LRRTM4: variants seen among roughly 807,000 people sequenced by gnomAD.
LRRTM4 encodes the protein leucine-rich repeat transmembrane neuronal protein 4.
A neutral mutation model predicts 47.6 loss-of-function variants in LRRTM4; 25 were observed. That is an observed-to-expected ratio of 0.53 (90% confidence interval 0.38 to 0.73). The LOEUF (loss-of-function observed/expected upper bound fraction) is 0.73, where lower values mean the gene tolerates loss of function less well. LRRTM4 is among the 30% of genes least tolerant of loss of function. The pLI is 0.00. For missense variants in LRRTM4, 638 were observed against 713.4 expected (o/e 0.89, Z 1.20); for synonymous variants, 311 against 269.5 (o/e 1.15, Z -1.51).
intron 3 of LRRTM4, among the ~76,000 whole-genome samples, chr2:77,439,613 T>G (rs1675752798): frequency 2.0e-5 from 3 of 152,208 alleles, no homozygotes; most frequent in Non-Finnish European, 2.9e-5. Flanking sequence ...CCCTATTTTA[T>G]TAATCTCTAA....
At chr2:76,973,699 A>G (rs993520066) in intron 3 of LRRTM4, among the ~76,000 whole-genome samples, 1 of 152,000 alleles carries the variant, frequency 6.6e-6, no homozygotes, top group Non-Finnish European at 1.5e-5. Flanking sequence ...GTAATTTTCC[A>G]TCTTTCGACA....
intron 3 of LRRTM4, among the ~76,000 whole-genome samples, chr2:77,482,453 C>CACACACAT (rs70956635): frequency 0.33 from 49,810 of 151,628 alleles, 8,337 homozygotes; most frequent in Middle Eastern, 0.35. Flanking sequence ...CACACACACA[C>CACACACAT]ACACACAGAG....
chr2:77,259,063 G>A (rs1005945980), intron 3 of LRRTM4, among the ~76,000 whole-genome samples: 19 of 151,908 alleles, frequency 1.3e-4, no homozygotes, highest in African/African-American at 4.4e-4. Flanking sequence ...CCAGAAATCA[G>A]TGTGGAGATA....
intron 3 of LRRTM4, among the ~76,000 whole-genome samples, chr2:77,086,645 CGTTTGTTT>C (rs959179241): frequency 3.3e-5 from 5 of 151,130 alleles, no homozygotes; most frequent in African/African-American, 7.4e-5. Flanking sequence ...GCCTGACTTT[CGTTTGTTT>C]GTTTATTTGT....
intron 3 of LRRTM4, among the ~76,000 whole-genome samples, chr2:76,853,603 A>C (rs565165930): frequency 7.9e-5 from 12 of 152,278 alleles, no homozygotes; most frequent in Non-Finnish European, 1.3e-4. Flanking sequence ...GGTACTACTT[A>C]AAATAGGCTA....
At chr2:77,047,430 A>G (rs926208300) in intron 3 of LRRTM4, among the ~76,000 whole-genome samples, 1 of 151,992 alleles carries the variant, frequency 6.6e-6, no homozygotes, top group Non-Finnish European at 1.5e-5. Flanking sequence ...TCTGAGATCT[A>G]GGTTTCTGGA....
chr2:77,047,065 C>T (rs941504403), intron 3 of LRRTM4, among the ~76,000 whole-genome samples: 1 of 152,060 alleles, frequency 6.6e-6, no homozygotes, highest in Non-Finnish European at 1.5e-5. Flanking sequence ...AAACATGTTA[C>T]ATCTCAGTTT....
At chr2:77,392,773 G>A (rs1206158609) in intron 3 of LRRTM4, among the ~76,000 whole-genome samples, 1 of 151,968 alleles carries the variant, frequency 6.6e-6, no homozygotes, top group Non-Finnish European at 1.5e-5. Context: ...AGTTACACAG[G>A]AGGAATATGT....
At chr2:77,246,543 A>G (rs895382029) in intron 3 of LRRTM4, among the ~76,000 whole-genome samples, 1 of 152,152 alleles carries the variant, frequency 6.6e-6, no homozygotes, top group Non-Finnish European at 1.5e-5. Context: ...CAATAGCCAC[A>G]TGGGTTTAGA....
intron 3 of LRRTM4, among the ~76,000 whole-genome samples, chr2:77,103,517 A>G (rs1219956591): frequency 1.3e-5 from 2 of 152,106 alleles, no homozygotes; most frequent in African/African-American, 2.4e-5. Flanking sequence ...GATGAAAAAA[A>G]GCGGACCAAG....
At chr2:77,452,802 G>T (rs1229448715) in intron 3 of LRRTM4, among the ~76,000 whole-genome samples, 1 of 152,166 alleles carries the variant, frequency 6.6e-6, no homozygotes, top group East Asian at 1.9e-4. Context: ...TAAAATGATG[G>T]CTTTTTTAGT....
At chr2:77,335,928 C>G (rs559168776) in intron 3 of LRRTM4, among the ~76,000 whole-genome samples, 3 of 152,114 alleles carry the variant, frequency 2.0e-5, no homozygotes, top group Non-Finnish European at 4.4e-5. Context: ...CTCAACTCCA[C>G]TGTTGTAGCA....
intron 3 of LRRTM4, among the ~76,000 whole-genome samples, chr2:77,167,207 A>C (rs938145412): frequency 6.6e-6 from 1 of 152,248 alleles, no homozygotes; most frequent in African/African-American, 2.4e-5. Flanking sequence ...AAAAATGCTC[A>C]TCATCACCGG....
intron 3 of LRRTM4, among the ~76,000 whole-genome samples, chr2:77,125,926 C>T (rs1671642320): frequency 7.0e-6 from 1 of 142,734 alleles, no homozygotes; most frequent in Non-Finnish European, 1.5e-5. Context: ...TATATATATA[C>T]TATGTATGTG....
At chr2:77,375,131 T>G (rs1243522634) in intron 3 of LRRTM4, among the ~76,000 whole-genome samples, 2 of 151,678 alleles carry the variant, frequency 1.3e-5, no homozygotes, top group African/African-American at 4.8e-5. Flanking sequence ...TCAGTGAGAG[T>G]TTAAGTAGTA....
intron 3 of LRRTM4, among the ~76,000 whole-genome samples, chr2:76,807,445 C>CATATATATATACATATATATATACAT (rs1670541084): frequency 1.1e-3 from 78 of 69,264 alleles, no homozygotes; most frequent in African/African-American, 7.0e-3. Context: ...TACGTATATA[C>CATATATATATACATATATATATACAT]ATATATATAT....
chr2:77,038,793 T>C lies in LRRTM4; in HGVS notation c.1552-289877A>G, dbSNP rs1230886122. ...ATTGATAGGGGAATCAGTTGGAGAG[T>C]TTCTTCTTTCTTACACTACTGCTCA... is the stretch of plus-strand genomic sequence containing the variant. On this transcript the variant is annotated intron_variant, in intron 3 of 3. Transcript: ENST00000409884. Among the ~76,000 whole-genome samples, 6 of 151,484 alleles carry C rather than the reference T, an allele frequency of 4.0e-5. No homozygotes were observed. In the East Asian group the frequency reaches 9.7e-4, roughly 24 times the overall value.
At chr2:77,520,755 T>C (rs929770364) in intron 2 of LRRTM4, among the ~76,000 whole-genome samples, 1 of 152,044 alleles carries the variant, frequency 6.6e-6, no homozygotes, top group Non-Finnish European at 1.5e-5. Flanking sequence ...TCTCTTCACA[T>C]TTCTCACTGA....
chr2:77,172,648 C>T (rs1350512595), intron 3 of LRRTM4, among the ~76,000 whole-genome samples: 1 of 151,994 alleles, frequency 6.6e-6, no homozygotes, highest in Non-Finnish European at 1.5e-5. Flanking sequence ...CTACAACATA[C>T]AAACAATAGC....
Sources: allele counts gnomAD v4.1 joint callset (sites outside exome capture counted in the v4.1 genomes callset), GRCh38; gene constraint gnomAD v4.1.1; transcripts MANE v1.5; gene names NCBI Gene and HGNC (gene_info 2026-07-23, HGNC 2026-07-21).